PFKP: variants seen among roughly 807,000 people sequenced by gnomAD.
PFKP encodes the protein ATP-dependent 6-phosphofructokinase, platelet type.
A neutral mutation model predicts 94.3 loss-of-function variants in PFKP; 101 were observed. The observed-to-expected ratio is 1.07, with a 90% CI of 0.91 to 1.26. The LOEUF is 1.26. PFKP is among the 50% of genes most tolerant of loss of function. The pLI is 0.00. For synonymous variants in PFKP, 573 were observed against 432.6 expected, an observed-to-expected ratio of 1.32 and a Z score of -4.03; for missense variants, 1,145 against 1,103.3, an observed-to-expected ratio of 1.04 and a Z score of -0.53.
At chr10:3,115,427 G>C (rs1564327488) in intron 13 of PFKP, among the ~76,000 whole-genome samples, 9 of 22,714 alleles carry the variant, frequency 4.0e-4, no homozygotes, top group South Asian at 2.5e-3. Context: ...TCCCGCCATG[G>C]AGGACAGGAC....
intron 1 of PFKP, among the ~76,000 whole-genome samples, chr10:3,079,657 C>CGGGGGGGGG (rs1456588977): frequency 3.9e-4 from 3 of 7,786 alleles, no homozygotes; most frequent in Admixed American, 1.4e-3. Flanking sequence ...CTTCAGAGAG[C>CGGGGGGGGG]GGGGTGGGGG....
intron 18 of PFKP, among the ~76,000 whole-genome samples, chr10:3,132,720 G>GCCTCA (rs199855562): frequency 0.021 from 3,214 of 152,312 alleles, 64 homozygotes; most frequent in Non-Finnish European, 0.036. Flanking sequence ...AGGAAATACA[G>GCCTCA]TCATCCCTCT....
At chr10:3,123,743 C>T (rs1416735060) in intron 16 of PFKP, among the ~76,000 whole-genome samples, 7 of 152,396 alleles carry the variant, frequency 4.6e-5, no homozygotes, top group Non-Finnish European at 8.8e-5. Context: ...ATCCTGGGCA[C>T]CAGGCCAGCC....
intron 16 of PFKP, chr10:3,129,513 G>A (rs1838314798): frequency 2.7e-6 from 1 of 377,294 alleles, no homozygotes; most frequent in Non-Finnish European, 4.8e-6. Flanking sequence ...GCTGGCTTGT[G>A]GGGTCGTCTT....
intron 1 of PFKP, among the ~76,000 whole-genome samples, chr10:3,072,249 C>T (rs1360202384): frequency 1.3e-5 from 2 of 152,192 alleles, no homozygotes; most frequent in East Asian, 1.9e-4. Flanking sequence ...ACCTTAAAAC[C>T]GAAGTCAGAA....
In PFKP at chr10:3,067,704, C is replaced by G. The variant is rs1210665292; in HGVS notation, c.109C>G (p.Gln37Glu). 2 of 1,482,878 alleles carry G rather than the reference C, an allele frequency of 1.3e-6. No individual in the cohort carries two copies. Among genetic ancestry groups the G allele is most frequent in the Non-Finnish European group, 1.8e-6 (2 of 1,111,072 alleles). The allele number at this position is 1,482,878 out of a possible 1,614,324, so 91.9% of individuals were successfully genotyped here. A position where few individuals can be genotyped will look rare whatever the true frequency, so the allele number is the denominator to read the frequency against. The stretch of plus-strand genomic sequence containing the variant: ...CGTGCTGACCAGCGGCGGGGATGCT[C>G]AAGGTGCGCGCCCCCCTCCCGGCGG... ...IGVLTSGGDA[Q>E]GMNAAVRAVV... The change falls in exon 1 of 22, where the codon CAA (glutamine) becomes GAA (glutamate). Residue 37 changes from glutamine to glutamate, a missense_variant. Around this residue, in one of 3 missense-constraint regions of PFKP, gnomAD observed 1,119 missense variants for 1,062.8 expected, o/e 1.05. Transcript: ENST00000381125.
Position 3,134,336 on chromosome 10 carries a change from C to T in PFKP, c.2023-147C>T, listed in dbSNP as rs190151873. On this transcript the variant is annotated intron_variant, in intron 19 of 21. Transcript: ENST00000381125. ...TTTTTCTTAACAGGCCAAGTTCAGG[C>T]TACGGGAATCACAGGTTTTGTTCTG... The T allele has an allele frequency of 8.4e-5, 51 of 610,090 alleles. No homozygotes were observed. The East Asian group carries it at 1.2e-3, about 15-fold the overall frequency. The allele number at this position is 610,090 out of a possible 1,614,324, so 37.8% of individuals were successfully genotyped here.
At chr10:3,101,822 T>C (rs572439178) in intron 4 of PFKP, among the ~76,000 whole-genome samples, 19 of 152,248 alleles carry the variant, frequency 1.2e-4, no homozygotes, top group Non-Finnish European at 2.5e-4. Context: ...AGCCAGGTTT[T>C]AGATCATCCC....
intron 4 of PFKP, 68 bp downstream of exon 4, chr10:3,101,622 T>C: frequency 8.5e-7 from 1 of 1,176,622 alleles, no homozygotes. Flanking sequence ...AACCGACAGG[T>C]TTCCCTCTTC....
In PFKP at chr10:3,071,868, A is replaced by T. The variant is rs1458071634; in HGVS notation, c.112+4161A>T. On this transcript the variant is annotated intron_variant, in intron 1 of 21. Transcript: ENST00000381125. ...TTTGTTATGTGGCAGGGCCTCAGTG[A>T]TCCTGGGCAATGACTTATCCCTATT... Among the ~76,000 whole-genome samples the T allele has an allele frequency of 2.0e-5, 3 of 152,196 alleles. No individual in the cohort carries two copies. In the South Asian group the frequency reaches 6.2e-4, roughly 31 times the overall value.
At chr10:3,125,244 G>T in intron 16 of PFKP, 1 of 1,315,670 alleles carries the variant, frequency 7.6e-7, no homozygotes, top group Admixed American at 2.5e-5. Flanking sequence ...GAATGCTGTT[G>T]TTGAGGTAAG....
intron 1 of PFKP, among the ~76,000 whole-genome samples, chr10:3,068,929 C>A (rs1831955115): frequency 6.6e-6 from 1 of 152,254 alleles, no homozygotes; most frequent in Admixed American, 6.5e-5. Flanking sequence ...AGGGTTGGAG[C>A]GGGGATGCAC....
At chr10:3,123,399 G>A (rs1837617257) in intron 16 of PFKP, among the ~76,000 whole-genome samples, 1 of 152,198 alleles carries the variant, frequency 6.6e-6, no homozygotes, top group South Asian at 2.1e-4. Flanking sequence ...CCGTATTGAA[G>A]CTTCCCTTCC....
At chr10:3,097,811 C>G (rs562356224) in intron 2 of PFKP, among the ~76,000 whole-genome samples, 4 of 152,164 alleles carry the variant, frequency 2.6e-5, no homozygotes, top group Non-Finnish European at 5.9e-5. Flanking sequence ...TGGAAACCAG[C>G]CTGGCCAACA....
chr10:3,098,872 C>G (rs1452687633), intron 2 of PFKP, among the ~76,000 whole-genome samples: 1 of 152,140 alleles, frequency 6.6e-6, no homozygotes, highest in South Asian at 2.1e-4. Context: ...GAGCCCCTGA[C>G]AAAATGCTCC....
chr10:3,105,734 C>T (rs7917172), intron 7 of PFKP, among the ~76,000 whole-genome samples: 11,051 of 152,210 alleles, frequency 0.073, 469 homozygotes, highest in Non-Finnish European at 0.095. Flanking sequence ...ACAGAGTGAG[C>T]CTGGTTAGAA....
rs148344380 is a variant in PFKP, at chr10:3,096,338, G to T, written c.187-2937G>T. On this transcript the variant is annotated intron_variant, in intron 2 of 21. Transcript: ENST00000381125. ...CGGCCTTGGCATCCTCTTCAGCAGG[G>T]TGGCGGCCGGAACTGGCACCTTCCC... Among the ~76,000 whole-genome samples, 280 of 152,292 alleles carry T rather than the reference G, an allele frequency of 1.8e-3. 1 individual carries two copies. The highest frequency in any genetic ancestry group is 0.013 in the South Asian group (63 of 4,822).
chr10:3,120,173 T>G (rs1024388060), intron 16 of PFKP, 129 bp downstream of exon 16: 1 of 759,246 alleles, frequency 1.3e-6, no homozygotes, highest in African/African-American at 1.8e-5. Context: ...TCTCGTTCTT[T>G]TTTTCCCCCA....
intron 10 of PFKP, among the ~76,000 whole-genome samples, chr10:3,111,572 G>C (rs1836239161): frequency 6.6e-6 from 1 of 152,050 alleles, no homozygotes; most frequent in South Asian, 2.1e-4. Flanking sequence ...TGTTTGTCAG[G>C]CGTCTTCCTG....
Sources: allele counts gnomAD v4.1 joint callset (sites outside exome capture counted in the v4.1 genomes callset), GRCh38; gene constraint gnomAD v4.1.1; regional missense constraint gnomAD v4.1.1; transcripts MANE v1.5; gene names NCBI Gene and HGNC (gene_info 2026-07-23, HGNC 2026-07-21).